The following TUBA1C variants were observed in gnomAD, a reference collection of about 807,000 sequenced individuals.
The protein encoded by TUBA1C is tubulin alpha-1C chain.
A neutral mutation model predicts 34.9 loss-of-function variants in TUBA1C; 16 were observed. The ratio of observed to expected loss-of-function variants is 0.46; its 90% confidence interval spans 0.31 to 0.70. TUBA1C has a LOEUF of 0.70. Among genes scored for constraint, TUBA1C ranks in the 30% least tolerant of loss-of-function variants. TUBA1C has a pLI of 0.05. For synonymous variants in TUBA1C, 177 were observed against 215.9 expected (o/e 0.82, Z 1.58); for missense variants, 329 against 587.3 (o/e 0.56, Z 4.55).
intron 1 of TUBA1C, among the ~76,000 whole-genome samples, chr12:49,268,176 G>T (rs1043390624): frequency 3.9e-5 from 6 of 152,082 alleles, no homozygotes; most frequent in Non-Finnish European, 8.8e-5. Flanking sequence ...CTCTGCAACC[G>T]CCACCTCCTG....
chr12:49,228,071 A>T, exon 1 of TUBA1C: 1 of 1,535,700 alleles, frequency 6.5e-7, no homozygotes, highest in African/African-American at 1.4e-5. Context: ...CTCTAACTGG[A>T]TTCTTATTTA....
At chr12:49,249,986 C>T (rs922208352) in intron 1 of TUBA1C, among the ~76,000 whole-genome samples, 19 of 151,548 alleles carry the variant, frequency 1.3e-4, no homozygotes, top group Non-Finnish European at 5.9e-5. Flanking sequence ...CACTTGAGGT[C>T]AGGAGTTTGA....
chr12:49,255,585 G>A (rs1278690901), intron 1 of TUBA1C, among the ~76,000 whole-genome samples: 1 of 152,046 alleles, frequency 6.6e-6, no homozygotes, highest in African/African-American at 2.4e-5. Flanking sequence ...TCGAGACTGA[G>A]TCTCATTCTA....
chr12:49,273,235 G>A lies in TUBA1C; in HGVS notation c.*8G>A. On this transcript the variant is annotated 3_prime_UTR_variant, in exon 4 of 4. Coordinates refer to ENST00000301072, the MANE Select transcript of TUBA1C (RefSeq NM_032704.5). ...GAGGGTGAAGAGTATTAACCTGTGT[G>A]CTGTACTTTTACACTCCTTTGTCTT... 6.2e-7 allele frequency: 1 copy of A among 1,614,178 alleles called. No individual in the cohort carries two copies. The highest frequency in any genetic ancestry group is 1.7e-5 in the Admixed American group (1 of 60,010).
chr12:49,228,221 A>T, intron 1 of TUBA1C: 1 of 1,500,304 alleles, frequency 6.7e-7, no homozygotes, highest in African/African-American at 1.4e-5. Context: ...CGGCTTGGAC[A>T]TGGTACTGTG....
At chr12:49,257,623 A>ACAAAAAATT (rs1942797841) in intron 1 of TUBA1C, among the ~76,000 whole-genome samples, 1 of 151,998 alleles carries the variant, frequency 6.6e-6, no homozygotes, top group South Asian at 2.1e-4. Flanking sequence ...TACAAAAAAT[A>ACAAAAAATT]CAAAAAATTA....
At chr12:49,258,788 C>G (rs775211537) in intron 1 of TUBA1C, among the ~76,000 whole-genome samples, 10 of 146,982 alleles carry the variant, frequency 6.8e-5, no homozygotes, top group African/African-American at 1.5e-4. Context: ...CGGAGTTTTG[C>G]TCTTGGTGCC....
At chr12:49,254,088 G>A (rs1333911517) in intron 1 of TUBA1C, among the ~76,000 whole-genome samples, 1 of 151,998 alleles carries the variant, frequency 6.6e-6, no homozygotes, top group Non-Finnish European at 1.5e-5. Flanking sequence ...GAGGCAGGCG[G>A]ATCACCTGAG....
upstream of TUBA1C, among the ~76,000 whole-genome samples, chr12:49,264,020 A>T (rs541610314): frequency 3.3e-5 from 5 of 152,166 alleles, 1 homozygote; most frequent in South Asian, 1.0e-3. Flanking sequence ...AGAGATCGAG[A>T]CCATCCTAGC....
At chr12:49,264,818 TTCCTCCCCTTCCTCCCCTTCCTCCCC>T (rs1942879716), upstream of TUBA1C, 1 of 93,538 alleles carries the variant, frequency 1.1e-5, no homozygotes, top group African/African-American at 4.8e-5. Context: ...CTTCCTCCCC[TTCCTCCCCTTCCTCCCCTTCCTCCCC>T]TTCCTCCCCT....
chr12:49,269,796 CCCT>C (rs751407501), intron 2 of TUBA1C, 29 bp from the exon 3 acceptor site: 92 of 1,604,502 alleles, frequency 5.7e-5, no homozygotes, highest in African/African-American at 2.8e-4. Context: ...CGCTCCTTGT[CCCT>C]CCTCCTCCTC....
chr12:49,248,305 C>G (rs540502874), intron 1 of TUBA1C, among the ~76,000 whole-genome samples: 1 of 151,866 alleles, frequency 6.6e-6, no homozygotes, highest in African/African-American at 2.4e-5. Flanking sequence ...GAAAGTGGCT[C>G]ACACCCATAA....
chr12:49,262,750 A>G (rs1280405551), upstream of TUBA1C, among the ~76,000 whole-genome samples: 1 of 152,124 alleles, frequency 6.6e-6, no homozygotes, highest in Admixed American at 6.6e-5. Flanking sequence ...ATTGCACTCC[A>G]GCCTGGGCAA....
intron 1 of TUBA1C, among the ~76,000 whole-genome samples, chr12:49,244,235 G>T (rs978809981): frequency 6.6e-6 from 1 of 151,728 alleles, no homozygotes; most frequent in African/African-American, 2.4e-5. Context: ...GGCCCTAAAT[G>T]GGGCTCTAAA....
intron 1 of TUBA1C, among the ~76,000 whole-genome samples, chr12:49,265,981 AAC>A (rs1472571872): frequency 6.8e-6 from 1 of 147,020 alleles, no homozygotes; most frequent in African/African-American, 2.5e-5. Flanking sequence ...AACAAAAAAA[AAC>A]GCTGGGCGTG....
chr12:49,252,888 G>T (rs560864717), intron 1 of TUBA1C, among the ~76,000 whole-genome samples: 1 of 151,670 alleles, frequency 6.6e-6, no homozygotes, highest in Non-Finnish European at 1.5e-5. Flanking sequence ...ACTCCAGCCT[G>T]GGGCAACAAG....
intron 1 of TUBA1C, among the ~76,000 whole-genome samples, chr12:49,230,173 C>T (rs192202110): frequency 3.8e-3 from 578 of 150,934 alleles, no homozygotes; most frequent in Admixed American, 6.7e-3. Context: ...TTCTATTTAA[C>T]TCTTACATAG....
intron 1 of TUBA1C, among the ~76,000 whole-genome samples, chr12:49,243,802 A>T (rs1189308414): frequency 6.6e-6 from 1 of 152,060 alleles, no homozygotes; most frequent in African/African-American, 2.4e-5. Flanking sequence ...AGGAAAGGGT[A>T]CATTTGGTGG....
At chr12:49,230,191 T>C (rs1405499642) in intron 1 of TUBA1C, among the ~76,000 whole-genome samples, 1 of 152,002 alleles carries the variant, frequency 6.6e-6, no homozygotes, top group African/African-American at 2.4e-5. Context: ...TAGCATTCCA[T>C]GCATAATGAC....
Sources: gnomAD v4.1 joint callset for allele counts (sites outside exome capture counted in the v4.1 genomes callset) on GRCh38, gnomAD v4.1.1 for gene constraint, MANE v1.5 for transcripts, NCBI Gene and HGNC (gene_info 2026-07-23, HGNC 2026-07-21) for gene names.